MTMR7: variants seen among roughly 807,000 people sequenced by gnomAD.
MTMR7 encodes the protein myotubularin related protein 7.
MTMR7 carries 76 observed loss-of-function variants against 81.2 expected under a neutral mutation model. That is an observed-to-expected ratio of 0.94 (90% CI 0.78 to 1.13). MTMR7 has a LOEUF of 1.13. Ranked by LOEUF, MTMR7 falls within the 50% of genes most tolerant of loss-of-function variation. The pLI is 0.00. For synonymous variants in MTMR7, 372 were observed against 289.8 expected, an observed-to-expected ratio of 1.28 and a Z score of -2.88; for missense variants, 1,044 against 820.0, an observed-to-expected ratio of 1.27 and a Z score of -3.34.
At chr8:17,363,048 G>C (rs1179407490) in intron 3 of MTMR7, among the ~76,000 whole-genome samples, 3 of 152,124 alleles carry the variant, frequency 2.0e-5, no homozygotes, top group African/African-American at 7.2e-5. Flanking sequence ...CTTAGAGTAC[G>C]GACTATTTGG....
Position 17,375,483 on chromosome 8 carries a change from T to TTG in MTMR7, c.25-2244_25-2243insCA, listed in dbSNP as rs532139551. 1.1e-4 allele frequency among the ~76,000 whole-genome samples: 16 copies of TTG among 150,288 alleles called. No homozygotes were observed. The South Asian group carries it at 3.3e-3, about 31-fold the overall frequency. On this transcript the variant is annotated intron_variant, in intron 1 of 13. Transcript: ENST00000180173. ...TGCCCTTCACCTACTAGCTTATGTT[T>TTG]TTTTTTTTTTTTTACAAGAATTCTT...
chr8:17,331,418 C>G, intron 6 of MTMR7, 136 bp from the exon 7 acceptor site: 1 of 892,472 alleles, frequency 1.1e-6, no homozygotes, highest in African/African-American at 1.7e-5. Context: ...ATTTGAATCA[C>G]TGCAACCTTG....
At chr8:17,412,316 G>A (rs1468560802) in intron 1 of MTMR7, among the ~76,000 whole-genome samples, 1 of 152,128 alleles carries the variant, frequency 6.6e-6, no homozygotes, top group Admixed American at 6.6e-5. Context: ...CTGAGCTATG[G>A]CCACTCTGAC....
intron 1 of MTMR7, among the ~76,000 whole-genome samples, chr8:17,388,477 A>G (rs1821011590): frequency 1.3e-5 from 2 of 152,234 alleles, no homozygotes; most frequent in South Asian, 4.1e-4. Context: ...AAAAACATAT[A>G]CTAGTATAGG....
At chr8:17,320,183 G>A (rs960952628) in intron 7 of MTMR7, among the ~76,000 whole-genome samples, 2 of 151,668 alleles carry the variant, frequency 1.3e-5, no homozygotes, top group Admixed American at 6.6e-5. Context: ...TTTTAATGTG[G>A]CCACCAGAAA....
At chr8:17,408,666 C>T (rs1821662407) in intron 1 of MTMR7, among the ~76,000 whole-genome samples, 1 of 151,930 alleles carries the variant, frequency 6.6e-6, no homozygotes, top group African/African-American at 2.4e-5. Flanking sequence ...GTGGATGGTA[C>T]CAAACTGACA....
At chr8:17,408,206 C>A (rs1821644761) in intron 1 of MTMR7, among the ~76,000 whole-genome samples, 1 of 71,924 alleles carries the variant, frequency 1.4e-5, no homozygotes, top group African/African-American at 3.1e-5. Context: ...CCGGCTAAAA[C>A]GGTGAAACCC....
At chr8:17,340,222 G>A (rs944409506) in intron 6 of MTMR7, among the ~76,000 whole-genome samples, 1 of 152,184 alleles carries the variant, frequency 6.6e-6, no homozygotes. Context: ...CAAAGTGCTG[G>A]GATTACAGGC....
intron 5 of MTMR7, among the ~76,000 whole-genome samples, chr8:17,346,541 G>A (rs1345508808): frequency 1.3e-5 from 2 of 152,022 alleles, no homozygotes; most frequent in Non-Finnish European, 2.9e-5. Context: ...AGGTCAGCCG[G>A]GGAAGAAGCT....
intron 4 of MTMR7, among the ~76,000 whole-genome samples, chr8:17,352,644 A>G (rs918791327): frequency 6.6e-6 from 1 of 152,192 alleles, no homozygotes; most frequent in Non-Finnish European, 1.5e-5. Context: ...CAAAGGACAC[A>G]ATCAAAAGTG....
intron 12 of MTMR7, among the ~76,000 whole-genome samples, chr8:17,303,421 G>C (rs1817253616): frequency 1.3e-5 from 2 of 152,130 alleles, no homozygotes; most frequent in Admixed American, 6.5e-5. Context: ...TGTCGGGAGT[G>C]AGTAGGAAGA....
chr8:17,347,641 G>T (rs965980), intron 5 of MTMR7, among the ~76,000 whole-genome samples: 1 of 152,080 alleles, frequency 6.6e-6, no homozygotes, highest in African/African-American at 2.4e-5. Context: ...AGAACATTTT[G>T]TTTTTTTAAA....
chr8:17,314,318 A>G (rs1817946621), intron 7 of MTMR7, among the ~76,000 whole-genome samples: 1 of 152,174 alleles, frequency 6.6e-6, no homozygotes, highest in African/African-American at 2.4e-5. Flanking sequence ...CAGTAAACAC[A>G]CATAGGGAAA....
intron 4 of MTMR7, among the ~76,000 whole-genome samples, chr8:17,355,789 A>G (rs1460148433): frequency 2.0e-5 from 3 of 152,244 alleles, no homozygotes; most frequent in Admixed American, 1.3e-4. Context: ...ATGTGAGTAG[A>G]TAATTCACAG....
At position 17,305,547 on chromosome 8, in the gene MTMR7, G is replaced by C. The variant is rs558370509; in HGVS notation, c.1352+210C>G. Among the ~76,000 whole-genome samples the C allele has an allele frequency of 7.9e-5, 12 of 152,186 alleles. No individual in the cohort carries two copies. In the South Asian group the frequency reaches 1.7e-3, roughly 21 times the overall value. ...TCAAGCTGTCTATCAGGCAGAAACT[G>C]AAGGAAAAAATGAAACTATTTATCT... On this transcript the variant is annotated intron_variant, in intron 11 of 13. Transcript: ENST00000180173.
chr8:17,380,117 A>T, intron 1 of MTMR7, among the ~76,000 whole-genome samples: 1 of 152,154 alleles, frequency 6.6e-6, no homozygotes, highest in African/African-American at 2.4e-5. Flanking sequence ...TGAAAATGCA[A>T]ACCTCCATGG....
chr8:17,335,119 G>A (rs1819189834), intron 6 of MTMR7, among the ~76,000 whole-genome samples: 1 of 152,152 alleles, frequency 6.6e-6, no homozygotes, highest in South Asian at 2.1e-4. Context: ...GACTGATTTA[G>A]TGTCCACAAC....
intron 5 of MTMR7, among the ~76,000 whole-genome samples, chr8:17,341,999 C>T (rs541053977): frequency 5.3e-5 from 8 of 151,708 alleles, no homozygotes; most frequent in African/African-American, 1.9e-4. Flanking sequence ...GAAACTTTCA[C>T]GGTGACAAGA....
At chr8:17,310,657 A>C (rs965690622) in intron 9 of MTMR7, among the ~76,000 whole-genome samples, 4 of 152,172 alleles carry the variant, frequency 2.6e-5, no homozygotes, top group Non-Finnish European at 5.9e-5. Flanking sequence ...GGAAGTTCTC[A>C]GACACTTCCA....
Sources: gnomAD v4.1 joint callset for allele counts (sites outside exome capture counted in the v4.1 genomes callset) on GRCh38, gnomAD v4.1.1 for gene constraint, MANE v1.5 for transcripts, NCBI Gene and HGNC (gene_info 2026-07-23, HGNC 2026-07-21) for gene names.